The following DNER variants were observed in gnomAD, a reference collection of about 807,000 sequenced individuals.
DNER encodes the protein delta and Notch-like epidermal growth factor-related receptor.
Under a neutral mutation model 78.2 loss-of-function variants are expected in DNER, and 33 were observed. That is an observed-to-expected ratio of 0.42 (90% CI 0.32 to 0.56). The LOEUF (loss-of-function observed/expected upper bound fraction) is 0.56, where lower values mean the gene tolerates loss of function less well. DNER is among the 20% of genes least tolerant of loss of function. The pLI, the probability that DNER is intolerant of heterozygous loss-of-function variation, is 0.11. For missense variants in DNER, 918 were observed against 975.3 expected (o/e 0.94, Z 0.78); for synonymous variants, 417 against 384.8 (o/e 1.08, Z -0.98).
intron 12 of DNER, among the ~76,000 whole-genome samples, chr2:229,363,558 A>G (rs1347177066): frequency 6.6e-6 from 1 of 152,224 alleles, no homozygotes; most frequent in Non-Finnish European, 1.5e-5. Context: ...AAGGGAAAGT[A>G]TTGTTTTAAT....
chr2:229,551,345 A>G (rs1188354113), intron 4 of DNER, among the ~76,000 whole-genome samples: 1 of 152,190 alleles, frequency 6.6e-6, no homozygotes, highest in Non-Finnish European at 1.5e-5. Context: ...TTAAGTAAGT[A>G]TATATAGGCC....
At chr2:229,416,587 G>GGC (rs1693657278) in intron 9 of DNER, among the ~76,000 whole-genome samples, 2 of 152,162 alleles carry the variant, frequency 1.3e-5, no homozygotes, top group African/African-American at 4.8e-5. Flanking sequence ...CATGAGATCA[G>GGC]TACACCCCTC....
At chr2:229,599,414 C>T (rs1697785573) in intron 1 of DNER, among the ~76,000 whole-genome samples, 1 of 147,094 alleles carries the variant, frequency 6.8e-6, no homozygotes. Flanking sequence ...AACATTGGTA[C>T]TTTTGACACC....
rs1026959465 is a variant in DNER at position 229,407,405 on chromosome 2, C to G, written c.1610-60G>C. On this transcript the variant is annotated intron_variant, in intron 9 of 12. Coordinates refer to ENST00000341772, the MANE Select transcript of DNER (RefSeq NM_139072.4). ...CAGGACTCTCTGGCTCCCATGGCCT[C>G]TGAAAGCAAAGTCGGAACTCTCTGG... The G allele has an allele frequency of 3.3e-5, 49 of 1,501,582 alleles. No homozygotes were observed. The African/African-American group carries it at 6.2e-4, about 19-fold the overall frequency. 93.0% of individuals were successfully genotyped at this position (1,501,582 alleles called of 1,614,324 possible).
intron 11 of DNER, among the ~76,000 whole-genome samples, chr2:229,381,808 C>G (rs1435068353): frequency 6.6e-6 from 1 of 152,178 alleles, no homozygotes. Context: ...CTCCCATCTC[C>G]CTGGGACAGA....
At position 229,367,104 on chromosome 2, in the gene DNER, G is replaced by A. The variant is rs1380949639; in HGVS notation, c.1871C>T (p.Ser624Phe). Residue 624 changes from serine (S) to phenylalanine (F), a missense_variant, in exon 12 of 13, where the codon TCC becomes TTC. By Grantham distance (155) the Ser-to-Phe change is radical. Transcript: ENST00000341772. ...ANCEIHLQWK[S>F]GHMAESLTNM... The stretch of plus-strand genomic sequence containing the variant: ...GGTGAGGCTCTCCGCCATGTGCCCG[G>A]ACTTCCATTGGAGGTCTGCAGGCAA... 6.2e-7 allele frequency: 1 copy of A among 1,614,140 alleles called. No homozygotes were observed. The highest frequency in any genetic ancestry group is 1.7e-5 in the Admixed American group (1 of 60,022).
At chr2:229,382,714 G>A (rs1692771845) in intron 11 of DNER, among the ~76,000 whole-genome samples, 2 of 151,864 alleles carry the variant, frequency 1.3e-5, no homozygotes, top group South Asian at 4.2e-4. Context: ...GACAAGATTA[G>A]AGAAAAAAGA....
chr2:229,450,551 T>G (rs1007765503), intron 7 of DNER, among the ~76,000 whole-genome samples: 8 of 152,212 alleles, frequency 5.3e-5, no homozygotes, highest in African/African-American at 1.9e-4. Context: ...TACCTCAGAA[T>G]GTGGCTTTTC....
chr2:229,537,903 T>C (rs887528217), intron 5 of DNER, among the ~76,000 whole-genome samples: 1 of 152,210 alleles, frequency 6.6e-6, no homozygotes, highest in Non-Finnish European at 1.5e-5. Context: ...TAATAAATGA[T>C]TCAAATATGT....
At chr2:229,651,549 T>C (rs1698817036) in intron 1 of DNER, among the ~76,000 whole-genome samples, 1 of 152,144 alleles carries the variant, frequency 6.6e-6, no homozygotes, top group African/African-American at 2.4e-5. Flanking sequence ...GAGCTGAGGG[T>C]GCCGAAGGAC....
chr2:229,446,871 GT>G (rs1694352848), intron 8 of DNER, among the ~76,000 whole-genome samples: 1 of 152,190 alleles, frequency 6.6e-6, no homozygotes, highest in African/African-American at 2.4e-5. Context: ...GTATTGCACC[GT>G]GCTTTTCATG....
At chr2:229,678,034 G>C (rs1234277313) in intron 1 of DNER, among the ~76,000 whole-genome samples, 1 of 152,156 alleles carries the variant, frequency 6.6e-6, no homozygotes, top group East Asian at 1.9e-4. Context: ...ATTTGCTCTT[G>C]TTCTAAGGCC....
chr2:229,366,634 T>G (rs1692352966), intron 12 of DNER, among the ~76,000 whole-genome samples: 1 of 152,058 alleles, frequency 6.6e-6, no homozygotes, highest in Non-Finnish European at 1.5e-5. Flanking sequence ...GCAACCCAAA[T>G]TAGATGAACA....
At chr2:229,650,217 T>A (rs896322836) in intron 1 of DNER, among the ~76,000 whole-genome samples, 4 of 152,154 alleles carry the variant, frequency 2.6e-5, no homozygotes, top group Non-Finnish European at 4.4e-5. Context: ...GATTCAACCC[T>A]TCACTTGGGC....
chr2:229,431,369 T>G (rs1694000186), intron 8 of DNER, among the ~76,000 whole-genome samples: 1 of 152,158 alleles, frequency 6.6e-6, no homozygotes, highest in Non-Finnish European at 1.5e-5. Context: ...ACTTTAAACT[T>G]GTCCATCATC....
chr2:229,413,345 C>T (rs1490175116), intron 9 of DNER, among the ~76,000 whole-genome samples: 4 of 32,302 alleles, frequency 1.2e-4, no homozygotes, highest in Admixed American at 4.2e-4. Flanking sequence ...TTTTTTTTGA[C>T]GGAGTCTCGC....
Position 229,447,508 on chromosome 2 carries a change from C to T in DNER, c.1294G>A (p.Asp432Asn). The T allele has an allele frequency of 6.2e-7, 1 of 1,614,060 alleles. No individual in the cohort carries two copies. The highest frequency in any genetic ancestry group is 8.5e-7 in the Non-Finnish European group (1 of 1,180,008). The change falls in exon 8 of 13, where the codon GAC becomes AAC. Residue 432 changes from aspartate (D) to asparagine (N), a missense_variant. Physicochemically the swap from Asp to Asn is conservative, Grantham distance 23. Transcript: ENST00000341772. Reference protein sequence around the residue: ...YFGSACEEKVDPCASSPCQNN... With the variant: ...YFGSACEEKVNPCASSPCQNN... ...TGGCACGGAGACGAGGCGCAGGGGT[C>T]CACCTTTTCTTCACAAGCAGATCCG... is the stretch of plus-strand genomic sequence containing the variant.
At chr2:229,450,187 T>C (rs1343609125) in intron 7 of DNER, among the ~76,000 whole-genome samples, 1 of 152,226 alleles carries the variant, frequency 6.6e-6, no homozygotes, top group African/African-American at 2.4e-5. Context: ...CTGTCAACTC[T>C]TTTAGTTGAG....
At chr2:229,403,595 G>T (rs1693316049) in intron 10 of DNER, among the ~76,000 whole-genome samples, 1 of 152,126 alleles carries the variant, frequency 6.6e-6, no homozygotes, top group Admixed American at 6.5e-5. Flanking sequence ...AACTATCAGG[G>T]CTGAATAGAA....
Sources: allele counts gnomAD v4.1 joint callset (sites outside exome capture counted in the v4.1 genomes callset), GRCh38; gene constraint gnomAD v4.1.1; transcripts MANE v1.5; gene names NCBI Gene and HGNC (gene_info 2026-07-23, HGNC 2026-07-21).